Variants in MEMO1 observed in about 807,000 individuals in gnomAD.
MEMO1 encodes the protein protein MEMO1.
MEMO1 carries 6 observed loss-of-function variants against 45.2 expected under a neutral mutation model. The ratio of observed to expected loss-of-function variants is 0.13; its 90% CI spans 0.07 to 0.26. MEMO1 has a LOEUF of 0.26. Ranked by LOEUF, MEMO1 falls within the 10% of genes least tolerant of loss-of-function variation. MEMO1 has a pLI of 1.00. For synonymous variants in MEMO1, 78 were observed against 124.3 expected, an observed-to-expected ratio of 0.63 and a Z score of 2.48; for missense variants, 184 against 370.5, an observed-to-expected ratio of 0.50 and a Z score of 4.13.
intron 8 of MEMO1, among the ~76,000 whole-genome samples, chr2:31,880,192 A>C (rs1011888620): frequency 6.6e-6 from 1 of 152,224 alleles, no homozygotes; most frequent in African/African-American, 2.4e-5. Context: ...GACAATCATT[A>C]ATCATTTGCT....
At chr2:31,928,430 C>G (rs1256559590) in intron 4 of MEMO1, among the ~76,000 whole-genome samples, 5 of 151,868 alleles carry the variant, frequency 3.3e-5, no homozygotes, top group Non-Finnish European at 1.5e-5. Context: ...GCTTGTAATC[C>G]CAGCTACTTG....
At chr2:31,914,485 A>G (rs1466720295) in intron 6 of MEMO1, among the ~76,000 whole-genome samples, 1 of 152,212 alleles carries the variant, frequency 6.6e-6, no homozygotes, top group Non-Finnish European at 1.5e-5. Context: ...AGTAACTAAA[A>G]GAATATAACT....
intron 2 of MEMO1, among the ~76,000 whole-genome samples, chr2:31,985,444 G>A (rs192945317): frequency 3.9e-5 from 6 of 152,282 alleles, no homozygotes; most frequent in African/African-American, 1.4e-4. Context: ...TCCTGCCTCA[G>A]CCTCCAGAGT....
chr2:31,929,342 C>T (rs1020850655), intron 4 of MEMO1, among the ~76,000 whole-genome samples: 4 of 151,756 alleles, frequency 2.6e-5, no homozygotes, highest in South Asian at 2.1e-4. Flanking sequence ...TTTCCCATTC[C>T]GTTCATCGCT....
chr2:31,963,279 T>C (rs1668236563), intron 2 of MEMO1: 1 of 1,525,944 alleles, frequency 6.6e-7, no homozygotes, highest in Non-Finnish European at 8.8e-7. Context: ...ATATTGAAGA[T>C]AAACAGATCT....
chr2:31,969,597 GTGT>G (rs1558542109), intron 2 of MEMO1, among the ~76,000 whole-genome samples: 14 of 140,700 alleles, frequency 1.0e-4, no homozygotes, highest in Non-Finnish European at 2.0e-4. Flanking sequence ...GTGTGTGTGT[GTGT>G]GTGTGTGTGT....
At position 31,962,872 on chromosome 2, in the gene MEMO1, A is replaced by G. The variant is rs549441512; in HGVS notation, c.62-19489T>C. ...TGTATCTGTGAGAGTATTTCTAGAT[A>G]AGATTAACATTTCAATCAGCAGACT... On this transcript the variant is annotated intron_variant, in intron 2 of 9. Transcript: ENST00000404530. Among the ~76,000 whole-genome samples, 168 of 152,318 alleles carry G rather than the reference A, an allele frequency of 1.1e-3. 1 individual carries two copies. The highest frequency in any genetic ancestry group is 4.0e-3 in the African/African-American group (166 of 41,560).
At chr2:32,004,149 C>G (rs1673755303) in intron 2 of MEMO1, among the ~76,000 whole-genome samples, 1 of 151,976 alleles carries the variant, frequency 6.6e-6, no homozygotes, top group Non-Finnish European at 1.5e-5. Context: ...CCATTGCCAT[C>G]CAACTTGGGC....
intron 2 of MEMO1, among the ~76,000 whole-genome samples, chr2:31,965,878 G>A (rs1306645915): frequency 6.6e-6 from 1 of 152,106 alleles, no homozygotes; most frequent in East Asian, 1.9e-4. Flanking sequence ...GCTTAATACC[G>A]AGGTGATGGG....
At chr2:31,879,828 G>GCA (rs1675091018) in intron 8 of MEMO1, among the ~76,000 whole-genome samples, 1 of 152,060 alleles carries the variant, frequency 6.6e-6, no homozygotes, top group African/African-American at 2.4e-5. Context: ...ATCAAAAAGT[G>GCA]CAGTTCTAAA....
chr2:31,948,299 A>C (rs1433053677), intron 2 of MEMO1, among the ~76,000 whole-genome samples: 1 of 152,232 alleles, frequency 6.6e-6, no homozygotes. Flanking sequence ...ACTATTCTAC[A>C]TATGTAATTT....
intron 2 of MEMO1, among the ~76,000 whole-genome samples, chr2:31,997,840 T>G (rs759432283): frequency 6.6e-6 from 1 of 152,188 alleles, no homozygotes; most frequent in Non-Finnish European, 1.5e-5. Context: ...TCAAAAAGAT[T>G]TCTTTGCCTC....
At chr2:31,895,837 CTTTTTTTTT>C (rs71412853) in intron 6 of MEMO1, among the ~76,000 whole-genome samples, 3 of 84,742 alleles carry the variant, frequency 3.5e-5, no homozygotes, top group East Asian at 4.0e-4. Context: ...AGAAAAAAAT[CTTTTTTTTT>C]TTTTTTTTTT....
intron 2 of MEMO1, among the ~76,000 whole-genome samples, chr2:31,975,207 C>T (rs1669871364): frequency 6.6e-6 from 1 of 152,058 alleles, no homozygotes; most frequent in Non-Finnish European, 1.5e-5. Flanking sequence ...AACGTTTATT[C>T]CTACTTAGTC....
chr2:31,894,577 G>A (rs1677463163), intron 6 of MEMO1, among the ~76,000 whole-genome samples: 1 of 152,064 alleles, frequency 6.6e-6, no homozygotes, highest in African/African-American at 2.4e-5. Flanking sequence ...TGACTAGGAG[G>A]CTGCACGCAT....
At chr2:31,925,196 G>T (rs1003044853) in intron 4 of MEMO1, among the ~76,000 whole-genome samples, 1 of 152,048 alleles carries the variant, frequency 6.6e-6, no homozygotes, top group East Asian at 1.9e-4. Context: ...TGTGTTCCTC[G>T]GTTGGGTGCA....
At chr2:31,937,098 C>A (rs1264090924) in intron 3 of MEMO1, among the ~76,000 whole-genome samples, 3 of 152,086 alleles carry the variant, frequency 2.0e-5, no homozygotes, top group African/African-American at 7.2e-5. Flanking sequence ...TTCCACATTG[C>A]CTCTCTCAAT....
intron 2 of MEMO1, among the ~76,000 whole-genome samples, chr2:32,004,657 T>G (rs2148612687): frequency 6.6e-6 from 1 of 152,242 alleles, no homozygotes; most frequent in East Asian, 1.9e-4. Flanking sequence ...GCACAGTGGC[T>G]CACACCTGTA....
intron 6 of MEMO1, among the ~76,000 whole-genome samples, chr2:31,904,308 T>G (rs189661609): frequency 5.8e-4 from 88 of 152,344 alleles, no homozygotes; most frequent in African/African-American, 2.0e-3. Context: ...TTGCTGAGAT[T>G]GTTTGTAAAC....
Sources: gnomAD v4.1 joint callset for allele counts (sites outside exome capture counted in the v4.1 genomes callset) on GRCh38, gnomAD v4.1.1 for gene constraint, MANE v1.5 for transcripts, NCBI Gene and HGNC (gene_info 2026-07-23, HGNC 2026-07-21) for gene names.